IQSEC1: variants seen among roughly 807,000 people sequenced by gnomAD.
The protein encoded by IQSEC1 is IQ motif and SEC7 domain-containing protein 1.
A neutral mutation model predicts 91.0 loss-of-function variants in IQSEC1; 31 were observed. The ratio of observed to expected loss-of-function variants is 0.34; its 90% CI spans 0.26 to 0.46. The LOEUF is 0.46. IQSEC1 is among the 20% of genes least tolerant of loss of function. IQSEC1 has a pLI of 1.00. For missense variants in IQSEC1, 1,388 were observed against 1,575.6 expected (o/e 0.88, Z 2.02); for synonymous variants, 699 against 662.6 (o/e 1.05, Z -0.84).
chr3:13,068,710 G>A (rs1559246718), intron 1 of IQSEC1, among the ~76,000 whole-genome samples: 1 of 152,134 alleles, frequency 6.6e-6, no homozygotes, highest in East Asian at 1.9e-4. Flanking sequence ...CCTCACCAGG[G>A]CCTCTGCACT....
intron 1 of IQSEC1, among the ~76,000 whole-genome samples, chr3:13,200,789 T>C (rs1408472907): frequency 6.6e-6 from 1 of 152,258 alleles, no homozygotes; most frequent in Non-Finnish European, 1.5e-5. Context: ...GATCAGTTAC[T>C]GCCTTGCTGT....
chr3:13,061,230 A>G lies in IQSEC1; in HGVS notation c.23+11762T>C, dbSNP rs114371691. Among the ~76,000 whole-genome samples the G allele has an allele frequency of 1.1e-3, 169 of 152,268 alleles. 2 individuals are homozygous for G. The highest frequency in any genetic ancestry group is 3.9e-3 in the African/African-American group (161 of 41,548). Reference sequence around the variant, plus strand: ...TGGGGACAGAGCCGGCAGCATGGGCATGACTGCCTCTCTTCATCGTTCCTC... The same window carrying G: ...TGGGGACAGAGCCGGCAGCATGGGCGTGACTGCCTCTCTTCATCGTTCCTC... On this transcript the variant is annotated intron_variant, in intron 1 of 13. Transcript: ENST00000613206.
chr3:13,066,220 A>G (rs1391679770), intron 1 of IQSEC1, among the ~76,000 whole-genome samples: 2 of 152,014 alleles, frequency 1.3e-5, no homozygotes, highest in South Asian at 2.1e-4. Context: ...AAAGGCAAAC[A>G]TGTGGTCGAT....
intron 1 of IQSEC1, among the ~76,000 whole-genome samples, chr3:13,257,315 C>T (rs565588188): frequency 6.6e-6 from 1 of 152,334 alleles, no homozygotes; most frequent in African/African-American, 2.4e-5. Flanking sequence ...GACAGACAGA[C>T]ATTCTCCAGA....
chr3:12,935,129 C>T lies in IQSEC1; in HGVS notation c.1568+319G>A, dbSNP rs1698051040. 6.6e-6 allele frequency among the ~76,000 whole-genome samples: 1 copy of T among 152,232 alleles called. No individual in the cohort carries two copies. The highest frequency in any genetic ancestry group is 1.5e-5 in the Non-Finnish European group (1 of 68,042). On this transcript the variant is annotated intron_variant, in intron 3 of 13. Transcript: ENST00000613206. The surrounding 1 kb of genome is among the most constrained non-coding windows in gnomAD (Gnocchi z 8.0). ...CAAAGTTGCGCAGGGCATGGCCCAA[C>T]ATACCCCACTTGCTATGGCGGACTT...
chr3:12,978,532 A>C (rs1305688730), intron 1 of IQSEC1, among the ~76,000 whole-genome samples: 1 of 151,868 alleles, frequency 6.6e-6, no homozygotes, highest in Non-Finnish European at 1.5e-5. Context: ...CCCCGTCTCT[A>C]CTAAAATAAA....
intron 1 of IQSEC1, among the ~76,000 whole-genome samples, chr3:13,067,608 C>T (rs1705278748): frequency 6.6e-6 from 1 of 152,228 alleles, no homozygotes; most frequent in Non-Finnish European, 1.5e-5. Context: ...TCCCCCAACA[C>T]CTGGGCCCCC....
intron 1 of IQSEC1, chr3:12,987,093 G>A (rs879138669): frequency 1.4e-4 from 50 of 356,154 alleles, no homozygotes; most frequent in South Asian, 8.9e-4. Flanking sequence ...CTGGTGCTGC[G>A]GCCAGTGCGG....
rs111978632 is a variant in IQSEC1, at chr3:13,167,942, G to A, written c.273-3809C>T. Among the ~76,000 whole-genome samples, 1,108 of 152,336 alleles carry A rather than the reference G, an allele frequency of 7.3e-3. 9 individuals carry two copies. Among genetic ancestry groups the A allele is most frequent in the African/African-American group, 0.025 (1,058 of 41,570 alleles). ...ACTGAGAAGGTGGGCATGAGCAGCA[G>A]GGTGGAGAAATGAGCTCCCGGCTGG... On this transcript the variant is annotated intron_variant, in intron 1 of 15. Coordinates refer to the IQSEC1 transcript ENST00000648114.
intron 2 of IQSEC1, among the ~76,000 whole-genome samples, chr3:13,093,504 G>C (rs575348847): frequency 4.1e-4 from 62 of 152,288 alleles, no homozygotes; most frequent in African/African-American, 1.4e-3. Context: ...CTTCATCCAA[G>C]TAACTGGTCC....
chr3:12,901,653 G>A lies in IQSEC1; in HGVS notation c.2806-131C>T. ...TTTAGTTCAACTCACTGGCCAGAGG[G>A]TGGGGCTCAGTGAGGCTGGACTGGG... On this transcript the variant is annotated intron_variant, in intron 13 of 13. Transcript: ENST00000613206. 3 of 766,944 alleles carry A rather than the reference G, an allele frequency of 3.9e-6. No individual in the cohort carries two copies. In the East Asian group the frequency reaches 8.1e-5, roughly 21 times the overall value. The allele number at this position is 766,944 out of a possible 1,614,324, so 47.5% of individuals were successfully genotyped here. A position where few individuals can be genotyped will look rare whatever the true frequency, so the allele number is the denominator to read the frequency against.
At chr3:13,216,350 T>A (rs1694550304) in intron 1 of IQSEC1, among the ~76,000 whole-genome samples, 1 of 152,114 alleles carries the variant, frequency 6.6e-6, no homozygotes, top group Non-Finnish European at 1.5e-5. Flanking sequence ...TGGTCAAATA[T>A]GTTTAGGACT....
At chr3:13,095,601 G>A (rs1437576634) in intron 2 of IQSEC1, among the ~76,000 whole-genome samples, 3 of 151,928 alleles carry the variant, frequency 2.0e-5, no homozygotes, top group Non-Finnish European at 4.4e-5. Context: ...GGCCTTTTCC[G>A]CCACTCCATG....
rs181411214 is a variant in IQSEC1 at position 12,915,328 on chromosome 3, C to T, written c.2161-195G>A. Among the ~76,000 whole-genome samples, 140 of 152,302 alleles carry T rather than the reference C, an allele frequency of 9.2e-4. No homozygotes were observed. In the Middle Eastern group the frequency reaches 0.01, roughly 11 times the overall value. On this transcript the variant is annotated intron_variant, in intron 7 of 13. Transcript: ENST00000613206. ...ACCACCCAGGAAAGCCTGCCAGTGT[C>T]GGGTGCCCAGAACTCAGCCACTGCA...
At chr3:13,199,934 C>T (rs1010234630) in intron 1 of IQSEC1, among the ~76,000 whole-genome samples, 1 of 149,210 alleles carries the variant, frequency 6.7e-6, no homozygotes, top group Non-Finnish European at 1.5e-5. Flanking sequence ...ACGCACGTCA[C>T]ACACACACAC....
rs147978345 is a variant in IQSEC1, at chr3:13,208,234, G to A, written c.273-44101C>T. On this transcript the variant is annotated intron_variant, in intron 1 of 15. Coordinates refer to the IQSEC1 transcript ENST00000648114. ...GGGCAGGCTGGAGAATGCCTTGGGA[G>A]ACACATCCTCTCCAAATACCTTCCC... Among the ~76,000 whole-genome samples, 13 of 150,920 alleles carry A rather than the reference G, an allele frequency of 8.6e-5. No individual in the cohort carries two copies. The South Asian group carries it at 1.9e-3, about 22-fold the overall frequency.
intron 1 of IQSEC1, among the ~76,000 whole-genome samples, chr3:13,020,670 T>TC (rs2124968367): frequency 6.6e-6 from 1 of 152,326 alleles, no homozygotes; most frequent in South Asian, 2.1e-4. Flanking sequence ...CACTCCTGAT[T>TC]CTTTTTTTTA....
At chr3:13,184,580 C>T (rs358597) in intron 1 of IQSEC1, among the ~76,000 whole-genome samples, 112,867 of 152,054 alleles carry the variant, frequency 0.74, 42,101 homozygotes, top group Non-Finnish European at 0.76. Flanking sequence ...CTAACGTCAC[C>T]CCACAGGTCC....
Position 12,911,667 on chromosome 3 carries a change from GAGA to G in IQSEC1, c.2375_2377del (p.Phe792del). 6.2e-7 allele frequency: 1 copy of G among 1,613,998 alleles called. No homozygotes were observed. Among genetic ancestry groups the G allele is most frequent in the Non-Finnish European group, 8.5e-7 (1 of 1,180,002 alleles). On this transcript the variant is annotated inframe_deletion, in exon 10 of 14. Coordinates refer to ENST00000613206, the MANE Select transcript of IQSEC1 (RefSeq NM_001134382.3). ...GAGCAGGACCTGCATGCCGTACAAG[GAGA>G]AGGACTGTCGGAAGCTGTACGTCAC...
Sources: gnomAD v4.1 joint callset for allele counts (sites outside exome capture counted in the v4.1 genomes callset) on GRCh38, gnomAD v4.1.1 for gene constraint, Gnocchi (gnomAD v3.1) non-coding constraint, MANE v1.5 for transcripts, NCBI Gene and HGNC (gene_info 2026-07-23, HGNC 2026-07-21) for gene names.